The following MAP1B variants were observed in gnomAD, a reference collection of about 807,000 sequenced individuals.
MAP1B encodes microtubule-associated protein 1B.
Under a neutral mutation model 176.1 loss-of-function variants are expected in MAP1B, and 12 were observed. The observed-to-expected ratio is 0.07, with a 90% CI of 0.04 to 0.11. MAP1B has a LOEUF of 0.11. Ranked by LOEUF, MAP1B falls within the 10% of genes least tolerant of loss-of-function variation. MAP1B has a pLI of 1.00. For missense variants in MAP1B, 2,523 were observed against 2,990.5 expected, an observed-to-expected ratio of 0.84 and a Z score of 3.65; for synonymous variants, 1,044 against 1,135.0, an observed-to-expected ratio of 0.92 and a Z score of 1.61.
chr5:72,122,742 G>A (rs1207507866), intron 2 of MAP1B, among the ~76,000 whole-genome samples: 1 of 150,898 alleles, frequency 6.6e-6, no homozygotes, highest in Non-Finnish European at 1.5e-5. Context: ...ACTCAGCATA[G>A]ACAGGCATAG....
intron 2 of MAP1B, among the ~76,000 whole-genome samples, chr5:72,173,577 G>A (rs1463517573): frequency 6.6e-6 from 1 of 152,190 alleles, no homozygotes; most frequent in Admixed American, 6.5e-5. Context: ...AAAAATAGCT[G>A]ATATCGGTAA....
chr5:72,143,143 C>A (rs911898722), intron 2 of MAP1B, among the ~76,000 whole-genome samples: 1 of 152,068 alleles, frequency 6.6e-6, no homozygotes, highest in African/African-American at 2.4e-5. Context: ...GTAGAAACAT[C>A]TTTGCACGTA....
At chr5:72,150,371 G>T (rs1746119635) in intron 2 of MAP1B, among the ~76,000 whole-genome samples, 1 of 152,182 alleles carries the variant, frequency 6.6e-6, no homozygotes, top group African/African-American at 2.4e-5. Context: ...TCACCGACTG[G>T]CTGCAAGCCG....
At chr5:72,165,141 C>T (rs1580003271) in intron 2 of MAP1B, among the ~76,000 whole-genome samples, 3 of 152,270 alleles carry the variant, frequency 2.0e-5, no homozygotes, top group Admixed American at 6.5e-5. Context: ...GATTCCTTGA[C>T]CTTAATCTTT....
rs775691133 is a variant in MAP1B, at chr5:72,186,787, A to C, written c.510+33A>C. The C allele has an allele frequency of 6.2e-7, 1 of 1,612,044 alleles. No individual in the cohort carries two copies. Among genetic ancestry groups the C allele is most frequent in the South Asian group, 1.1e-5 (1 of 91,024 alleles). On this transcript the variant is annotated intron_variant, in intron 4 of 6. Coordinates refer to ENST00000296755, the MANE Select transcript of MAP1B (RefSeq NM_005909.5). The surrounding 1 kb of genome is among the most constrained non-coding windows in gnomAD (Gnocchi z 4.3). ...CGTGTCTGAGAATATCTGTGCTTCT[A>C]GTGGCTTGGTTGCCTTAGGTTCCTC...
chr5:72,197,653 G>C lies in MAP1B; in HGVS notation c.4298G>C (p.Ser1433Thr), dbSNP rs559826048. 1.3e-5 allele frequency: 21 copies of C among 1,614,098 alleles called. No homozygotes were observed. The highest frequency in any genetic ancestry group is 1.8e-5 in the Non-Finnish European group (21 of 1,180,052). ...RGAESPFEEK[S>T]GKQGSPDQVS... The stretch of plus-strand genomic sequence containing the variant: ...GCCGAAAGTCCTTTTGAAGAAAAGA[G>C]TGGAAAACAAGGCTCTCCAGACCAA... Residue 1433 changes from serine (S) to threonine (T), a missense_variant, in exon 5 of 7, where the codon AGT becomes ACT. Coordinates refer to ENST00000296755, the MANE Select transcript of MAP1B (RefSeq NM_005909.5).
At chr5:72,132,492 A>G (rs927898828) in intron 2 of MAP1B, among the ~76,000 whole-genome samples, 3 of 152,168 alleles carry the variant, frequency 2.0e-5, no homozygotes, top group East Asian at 1.9e-4. Context: ...TCTTCTGTGT[A>G]TTCTAGGAGA....
At position 72,180,572 on chromosome 5, in the gene MAP1B, A is replaced by G. The variant is rs1183700393; in HGVS notation, c.287-3171A>G. ...AAAGCCGAAAAGCAATGTCCAATAAATTACAGTATTTAGCATTCATAATAA... is the reference window on the plus strand; with the variant it reads ...AAAGCCGAAAAGCAATGTCCAATAAGTTACAGTATTTAGCATTCATAATAA... On this transcript the variant is annotated intron_variant, in intron 2 of 6. Transcript: ENST00000296755. 3.9e-5 allele frequency among the ~76,000 whole-genome samples: 6 copies of G among 152,370 alleles called. No homozygotes were observed. In the East Asian group the frequency reaches 1.2e-3, roughly 29 times the overall value.
rs147927934 is a variant in MAP1B, at chr5:72,199,413, T to A, written c.6058T>A (p.Ser2020Thr). 11 of 1,613,846 alleles carry A rather than the reference T, an allele frequency of 6.8e-6. No homozygotes were observed. The highest frequency in any genetic ancestry group is 3.3e-4 in the Middle Eastern group (2 of 6,084). Residue 2020 changes from serine (S) to threonine (T), a missense_variant, in exon 5 of 7, where the codon TCT becomes ACT. Physicochemically the swap from Ser to Thr is moderately conservative, Grantham distance 58. Coordinates refer to ENST00000296755, the MANE Select transcript of MAP1B (RefSeq NM_005909.5). This position sits in a 1 kb window ranked among gnomAD's most constrained non-coding sequence, Gnocchi z 4.2. ...TGAGAAAATTACCAGTTTCCCTGAG[T>A]CTGAAGGTTATTCCTATGAGACATC... is the stretch of plus-strand genomic sequence containing the variant. ...TTEKITSFPE[S>T]EGYSYETSTK...
chr5:72,129,319 G>A (rs1745684479), intron 2 of MAP1B, among the ~76,000 whole-genome samples: 1 of 152,222 alleles, frequency 6.6e-6, no homozygotes, highest in Admixed American at 6.5e-5. Context: ...ACTTTGGGAG[G>A]CCAAGGTGGG....
intron 2 of MAP1B, among the ~76,000 whole-genome samples, chr5:72,134,658 C>A (rs1013695698): frequency 2.0e-5 from 3 of 151,982 alleles, no homozygotes; most frequent in African/African-American, 7.2e-5. Context: ...TCTGTAGTGG[C>A]ACTCTATCAA....
intron 2 of MAP1B, among the ~76,000 whole-genome samples, chr5:72,172,682 G>T (rs1746569158): frequency 6.6e-6 from 1 of 152,186 alleles, no homozygotes; most frequent in Non-Finnish European, 1.5e-5. Context: ...AGCCTTTAAT[G>T]ATTACATTTG....
chr5:72,128,154 C>T (rs1299333903), intron 2 of MAP1B, among the ~76,000 whole-genome samples: 1 of 152,170 alleles, frequency 6.6e-6, no homozygotes, highest in Admixed American at 6.5e-5. Flanking sequence ...TTGAATCTTC[C>T]TTGGAAGACT....
intron 2 of MAP1B, among the ~76,000 whole-genome samples, chr5:72,155,901 G>A (rs2112172715): frequency 6.6e-6 from 1 of 151,772 alleles, no homozygotes; most frequent in Middle Eastern, 3.4e-3. Context: ...CAAGTAGCTG[G>A]GATTACAGGG....
chr5:72,119,739 G>A (rs990754142), intron 2 of MAP1B, among the ~76,000 whole-genome samples: 1 of 152,132 alleles, frequency 6.6e-6, no homozygotes, highest in Non-Finnish European at 1.5e-5. Flanking sequence ...GAACTCCTGA[G>A]CTCAAGCAAT....
chr5:72,184,277 G>A (rs1176581608), intron 3 of MAP1B, among the ~76,000 whole-genome samples: 1 of 152,204 alleles, frequency 6.6e-6, no homozygotes, highest in Non-Finnish European at 1.5e-5. Flanking sequence ...GCTGTGGAAA[G>A]GCAGGCTAGC....
intron 2 of MAP1B, among the ~76,000 whole-genome samples, chr5:72,181,867 G>A (rs1039947167): frequency 2.0e-5 from 3 of 151,936 alleles, no homozygotes; most frequent in Non-Finnish European, 4.4e-5. Flanking sequence ...TGGGATTACA[G>A]GTGCACATCA....
rs181566913 is a variant in MAP1B at position 72,188,605 on chromosome 5, C to T, written c.510+1851C>T. On this transcript the variant is annotated intron_variant, in intron 4 of 6. Transcript: ENST00000296755. ...ATTTGCATCTCAAATAATATCCCTC[C>T]TTCCCCTTCTTTAAATAAGGTTGTT... Among the ~76,000 whole-genome samples, 542 of 152,276 alleles carry T rather than the reference C, an allele frequency of 3.6e-3. 5 individuals carry two copies. The highest frequency in any genetic ancestry group is 0.012 in the African/African-American group (512 of 41,544).
In MAP1B at chr5:72,176,561, G is replaced by A. The variant is rs116823154; in HGVS notation, c.287-7182G>A. On this transcript the variant is annotated intron_variant, in intron 2 of 6. Coordinates refer to ENST00000296755, the MANE Select transcript of MAP1B (RefSeq NM_005909.5). The stretch of plus-strand genomic sequence containing the variant: ...ACTACCTGAAGGACAAAATGCTTTG[G>A]CAACTCTAAGGCACTCTACACATGC... Among the ~76,000 whole-genome samples, 1,104 of 152,262 alleles carry A rather than the reference G, an allele frequency of 7.3e-3. 10 individuals carry two copies. Among genetic ancestry groups the A allele is most frequent in the African/African-American group, 0.025 (1,045 of 41,550 alleles).
Sources: allele counts gnomAD v4.1 joint callset (sites outside exome capture counted in the v4.1 genomes callset), GRCh38; gene constraint gnomAD v4.1.1; non-coding constraint Gnocchi (gnomAD v3.1); transcripts MANE v1.5; gene names NCBI Gene and HGNC (gene_info 2026-07-23, HGNC 2026-07-21).